Variants in SLC28A3 observed in about 807,000 individuals in gnomAD.
SLC28A3 encodes solute carrier family 28 member 3.
SLC28A3 carries 68 observed loss-of-function variants against 84.2 expected under a neutral mutation model. The observed-to-expected ratio is 0.81, with a 90% confidence interval of 0.66 to 0.99. The LOEUF is 0.99. Ranked by LOEUF, SLC28A3 falls within the 50% of genes least tolerant of loss-of-function variation. The pLI is 0.00. For synonymous variants in SLC28A3, 267 were observed against 303.6 expected (o/e 0.88, Z 1.25); for missense variants, 712 against 841.5 (o/e 0.85, Z 1.90).
At chr9:84,355,807 T>G in the SLC28A3 span, among the ~76,000 whole-genome samples, 1 of 149,770 alleles carries the variant, frequency 6.7e-6, no homozygotes, top group Non-Finnish European at 1.5e-5. Context: ...TATTCTTCCT[T>G]TTCTTATTTT....
intron 1 of SLC28A3, among the ~76,000 whole-genome samples, chr9:84,335,003 T>TC (rs34145225): frequency 0.54 from 81,645 of 151,690 alleles, 21,998 homozygotes; most frequent in Middle Eastern, 0.61. Flanking sequence ...ATCTCTAACT[T>TC]CCCCACTCCT....
chr9:84,332,435 G>C (rs554689128), intron 1 of SLC28A3, among the ~76,000 whole-genome samples: 2 of 152,286 alleles, frequency 1.3e-5, no homozygotes, highest in South Asian at 4.1e-4. Flanking sequence ...AATTAGGAGG[G>C]ATAGGGTAGG....
At chr9:84,300,124 C>T (rs1437199799) in intron 5 of SLC28A3, among the ~76,000 whole-genome samples, 1 of 152,068 alleles carries the variant, frequency 6.6e-6, no homozygotes, top group African/African-American at 2.4e-5. Context: ...AACATAGAAA[C>T]AAGATGAATA....
chr9:84,366,488 T>C, the SLC28A3 span, among the ~76,000 whole-genome samples: 1 of 152,150 alleles, frequency 6.6e-6, no homozygotes, highest in Non-Finnish European at 1.5e-5. Flanking sequence ...GTTAAGTGTT[T>C]ATTGTAGTCT....
At position 84,278,300 on chromosome 9, in the gene SLC28A3, T is replaced by C; in HGVS notation, c.1994A>G (p.His665Arg). The C allele has an allele frequency of 6.2e-7, 1 of 1,614,184 alleles. No homozygotes were observed. Among genetic ancestry groups the C allele is most frequent in the Non-Finnish European group, 8.5e-7 (1 of 1,180,014 alleles). ...GCAGCCCTTCAAAGAATACAGACTG[T>C]GGTTTCCTCCTGGGATGACTTCACC... is the stretch of plus-strand genomic sequence containing the variant. ...GPGEVIPGGN[H>R]SLYSLKGCCT... is the part of the protein sequence containing the mutation. Residue 665 changes from histidine (H) to arginine (R), a missense_variant, in exon 18 of 18, where the codon CAC becomes CGC. By Grantham distance (29) the His-to-Arg change is conservative. Coordinates refer to ENST00000376238, the MANE Select transcript of SLC28A3 (RefSeq NM_001199633.2).
At chr9:84,284,812 C>T (rs992352812) in intron 14 of SLC28A3, among the ~76,000 whole-genome samples, 2 of 152,202 alleles carry the variant, frequency 1.3e-5, no homozygotes, top group African/African-American at 4.8e-5. Context: ...CCTTTTCTCT[C>T]CCTCATCCAC....
intron 1 of SLC28A3, among the ~76,000 whole-genome samples, chr9:84,339,051 C>G (rs1827072368): frequency 6.6e-6 from 1 of 152,120 alleles, no homozygotes; most frequent in Non-Finnish European, 1.5e-5. Flanking sequence ...ATGAACAAAC[C>G]TCGATAAATT....
chr9:84,362,095 A>C, the SLC28A3 span, among the ~76,000 whole-genome samples: 3 of 152,242 alleles, frequency 2.0e-5, no homozygotes, highest in East Asian at 5.8e-4. Context: ...TGTGTTACTA[A>C]AACTTGTTGA....
At chr9:84,281,448 A>G (rs988474643) in intron 14 of SLC28A3, among the ~76,000 whole-genome samples, 2 of 152,228 alleles carry the variant, frequency 1.3e-5, no homozygotes, top group African/African-American at 4.8e-5. Flanking sequence ...AGCCACAATG[A>G]GATACTACTA....
intron 15 of SLC28A3, 146 bp downstream of exon 15, chr9:84,280,655 A>T: frequency 1.3e-6 from 1 of 752,176 alleles, no homozygotes; most frequent in Non-Finnish European, 2.1e-6. Flanking sequence ...TATATTGCAG[A>T]CTAGAGATTA....
At chr9:84,331,466 G>C (rs1490836910) in intron 1 of SLC28A3, among the ~76,000 whole-genome samples, 1 of 152,170 alleles carries the variant, frequency 6.6e-6, no homozygotes, top group African/African-American at 2.4e-5. Context: ...TTGGATCCCT[G>C]ATGGACTTAC....
chr9:84,294,158 T>C (rs1385321251), intron 9 of SLC28A3, 37 bp downstream of exon 9: 6 of 1,605,140 alleles, frequency 3.7e-6, no homozygotes, highest in Non-Finnish European at 5.1e-6. Context: ...GATAATCAGC[T>C]CTACACCTAT....
intron 14 of SLC28A3, among the ~76,000 whole-genome samples, chr9:84,283,399 T>C (rs959926381): frequency 7.9e-5 from 12 of 152,274 alleles, no homozygotes; most frequent in African/African-American, 2.7e-4. Flanking sequence ...AGCATGGGAC[T>C]GGTTAAGATG....
Position 84,277,243 on chromosome 9 carries a change from A to G in SLC28A3, c.*975T>C, listed in dbSNP as rs902791300. 5.0e-4 allele frequency: 76 copies of G among 152,230 alleles called. 1 individual carries two copies. Among genetic ancestry groups the G allele is most frequent in the African/African-American group, 1.8e-3 (74 of 41,460 alleles). 9.4% of individuals were successfully genotyped at this position (152,230 alleles called of 1,614,324 possible). A position where few individuals can be genotyped will look rare whatever the true frequency, so the allele number is the denominator to read the frequency against. On this transcript the variant is annotated 3_prime_UTR_variant, in exon 18 of 18. Transcript: ENST00000376238. ...GATGGCTCCTTGAAGGGAGACATGG[A>G]TATTATGTACCCTTATGGTGTATCA...
chr9:84,302,060 T>C (rs1825652450), intron 5 of SLC28A3, 140 bp downstream of exon 5: 2 of 725,676 alleles, frequency 2.8e-6, no homozygotes, highest in Non-Finnish European at 4.5e-6. Flanking sequence ...AATGAAGACA[T>C]TGTAACAGAT....
chr9:84,351,750 T>A, the SLC28A3 span, among the ~76,000 whole-genome samples: 1 of 152,006 alleles, frequency 6.6e-6, no homozygotes, highest in Non-Finnish European at 1.5e-5. Context: ...AAAAGTAATG[T>A]ATCAATATTA....
At chr9:84,326,661 AACAAC>A (rs1826563357) in intron 1 of SLC28A3, among the ~76,000 whole-genome samples, 1 of 151,750 alleles carries the variant, frequency 6.6e-6, no homozygotes, top group African/African-American at 2.4e-5. Context: ...CAACAACAAC[AACAAC>A]AACAACAACA....
At chr9:84,313,001 G>T (rs1331506800) in intron 2 of SLC28A3, among the ~76,000 whole-genome samples, 1 of 152,202 alleles carries the variant, frequency 6.6e-6, no homozygotes, top group African/African-American at 2.4e-5. Context: ...GCGAGTGCAT[G>T]ATGGACCCAG....
chr9:84,286,630 T>A (rs960974708), intron 12 of SLC28A3, among the ~76,000 whole-genome samples: 1 of 152,050 alleles, frequency 6.6e-6, no homozygotes, highest in Non-Finnish European at 1.5e-5. Context: ...ATTACAAGTT[T>A]AAAAATTATT....
Sources: allele counts gnomAD v4.1 joint callset (sites outside exome capture counted in the v4.1 genomes callset), GRCh38; gene constraint gnomAD v4.1.1; transcripts MANE v1.5; gene names NCBI Gene and HGNC (gene_info 2026-07-23, HGNC 2026-07-21).